KDM4B: variants seen among roughly 807,000 people sequenced by gnomAD.
The protein encoded by KDM4B is lysine demethylase 4B.
Under a neutral mutation model 125.2 loss-of-function variants are expected in KDM4B, and 32 were observed. The observed-to-expected ratio is 0.26, with a 90% confidence interval of 0.19 to 0.34. The LOEUF (loss-of-function observed/expected upper bound fraction) is 0.34. KDM4B is among the 10% of genes least tolerant of loss of function. The pLI is 1.00. For missense variants in KDM4B, 1,190 were observed against 1,577.7 expected (o/e 0.75, Z 4.16); for synonymous variants, 721 against 677.9 (o/e 1.06, Z -0.99).
At chr19:5,136,488 C>G (rs1486906687) in intron 15 of KDM4B, among the ~76,000 whole-genome samples, 2 of 152,130 alleles carry the variant, frequency 1.3e-5, no homozygotes, top group African/African-American at 4.8e-5. Flanking sequence ...CGCGTTGTCT[C>G]CTGGCTGGGA....
chr19:5,058,189 C>T (rs863948), intron 6 of KDM4B, among the ~76,000 whole-genome samples: 44 of 151,890 alleles, frequency 2.9e-4, no homozygotes, highest in African/African-American at 1.0e-3. Flanking sequence ...TGCAGGGGCT[C>T]AGCCAACAGG....
intron 13 of KDM4B, 140 bp downstream of exon 13, chr19:5,132,147 T>C: frequency 9.0e-7 from 1 of 1,109,876 alleles, no homozygotes. Flanking sequence ...TTTCTGTGGC[T>C]CTGCCGTAGC....
At chr19:5,138,155 C>T (rs771420947) in intron 18 of KDM4B, 85 bp downstream of exon 18, 340 of 1,037,258 alleles carry the variant, frequency 3.3e-4, no homozygotes, top group Non-Finnish European at 4.6e-4. Context: ...CGATCTGAAG[C>T]GGTCTTTCCT....
At position 5,114,673 on chromosome 19, in the gene KDM4B, C is replaced by T. The variant is rs115858173; in HGVS notation, c.1115+3855C>T. Among the ~76,000 whole-genome samples the T allele has an allele frequency of 6.0e-5, 9 of 150,130 alleles. No individual in the cohort carries two copies. Among genetic ancestry groups the T allele is most frequent in the Non-Finnish European group, 1.2e-4 (8 of 67,546 alleles). ...TGGGGAGCACTGGGCCACTTTGGGT[C>T]GGGGGTGGGCGGCTCTGAGGGCTCA... On this transcript the variant is annotated intron_variant, in intron 10 of 22. Coordinates refer to ENST00000159111, the MANE Select transcript of KDM4B (RefSeq NM_015015.3). The surrounding 1 kb of genome is among the most constrained non-coding windows in gnomAD (Gnocchi z 5.8).
In KDM4B at chr19:5,115,120, CAGG is replaced by C. The variant is rs1315853444; in HGVS notation, c.1115+4307_1115+4309del. 6.6e-6 allele frequency among the ~76,000 whole-genome samples: 1 copy of C among 152,166 alleles called. No homozygotes were observed. Among genetic ancestry groups the C allele is most frequent in the African/African-American group, 2.4e-5 (1 of 41,444 alleles). On this transcript the variant is annotated intron_variant, in intron 10 of 22. Coordinates refer to ENST00000159111, the MANE Select transcript of KDM4B (RefSeq NM_015015.3). This position sits in a 1 kb window ranked among gnomAD's most constrained non-coding sequence, Gnocchi z 4.2. ...GCAGGAGACCCCATGGGCCGGCAACCAGGAGGACAGCCAGCAGGGAGCAGCTGG... is the reference window on the plus strand; with the variant it reads ...GCAGGAGACCCCATGGGCCGGCAACCAGGACAGCCAGCAGGGAGCAGCTGG...
rs920388813 is a variant in KDM4B, at chr19:5,141,163, C to T, written c.2551-2804C>T. ...CTTGGAGCCCACAGGTGCTGGGCCA[C>T]CTGGGCAGGGCTGTGCAGGCAGTCA... On this transcript the variant is annotated intron_variant, in intron 18 of 22. Coordinates refer to ENST00000159111, the MANE Select transcript of KDM4B (RefSeq NM_015015.3). This position sits in a 1 kb window ranked among gnomAD's most constrained non-coding sequence, Gnocchi z 6.4. 6.6e-6 allele frequency: 1 copy of T among 152,240 alleles called. No homozygotes were observed. The highest frequency in any genetic ancestry group is 6.5e-5 in the Admixed American group (1 of 15,270). The allele number at this position is 152,240 out of a possible 1,614,324, so 9.4% of individuals were successfully genotyped here. A position where few individuals can be genotyped will look rare whatever the true frequency, so the allele number is the denominator to read the frequency against.
chr19:5,077,271 A>G (rs993753456), intron 7 of KDM4B, 96 bp from the exon 8 acceptor site: 7 of 1,026,044 alleles, frequency 6.8e-6, no homozygotes, highest in Non-Finnish European at 1.0e-5. Context: ...CCCGCTCTCC[A>G]TGGGAGGAAA....
chr19:5,144,104 C>T lies in KDM4B; in HGVS notation c.2688C>T (p.Pro896=). ...TGCTCATGGAGCCGGACGACTGGCCCTATGTGGTCTCCATCACCTGCCTCA... is the reference window on the plus strand; with the variant it reads ...TGCTCATGGAGCCGGACGACTGGCCTTATGTGGTCTCCATCACCTGCCTCA... ...AGVLMEPDDW[P]YVVSITCLKH... Residue 896 remains proline, a synonymous_variant, in exon 19 of 23, where the codon CCC becomes CCT. Transcript: ENST00000159111. 1 of 1,603,552 alleles carries T rather than the reference C, an allele frequency of 6.2e-7. No individual in the cohort carries two copies. Among genetic ancestry groups the T allele is most frequent in the South Asian group, 1.1e-5 (1 of 90,916 alleles).
intron 2 of KDM4B, among the ~76,000 whole-genome samples, chr19:5,024,202 A>G (rs1323758386): frequency 6.6e-6 from 1 of 152,022 alleles, no homozygotes; most frequent in Admixed American, 6.5e-5. Context: ...CTCTGGGGTC[A>G]AGGAGAGTCC....
At chr19:5,111,324 T>A in intron 10 of KDM4B, 1 of 738,188 alleles carries the variant, frequency 1.4e-6, no homozygotes, top group Non-Finnish European at 2.5e-6. Flanking sequence ...TGGAGAGGAT[T>A]TCAGAAGGCC....
intron 11 of KDM4B, among the ~76,000 whole-genome samples, chr19:5,130,481 C>T (rs1039419526): frequency 3.3e-5 from 5 of 152,196 alleles, no homozygotes; most frequent in Admixed American, 1.3e-4. Flanking sequence ...GGAAGGGTGT[C>T]GGGCCCCACA....
At chr19:5,005,910 C>T (rs953493764) in intron 1 of KDM4B, among the ~76,000 whole-genome samples, 6 of 152,166 alleles carry the variant, frequency 3.9e-5, no homozygotes, top group African/African-American at 1.4e-4. Context: ...CCGCGTCCTC[C>T]TCTGGCGGAG....
chr19:5,126,756 G>T (rs568799188), intron 11 of KDM4B, among the ~76,000 whole-genome samples: 1 of 152,368 alleles, frequency 6.6e-6, no homozygotes, highest in South Asian at 2.1e-4. Context: ...GCACCCGGCT[G>T]CGGGTTCAGC....
chr19:5,108,715 G>A (rs1446233950), intron 9 of KDM4B, among the ~76,000 whole-genome samples: 2 of 152,244 alleles, frequency 1.3e-5, no homozygotes, highest in African/African-American at 4.8e-5. Flanking sequence ...AAATGGAAGA[G>A]TGTCTCACGA....
rs2035238173 is a variant in KDM4B at position 4,997,454 on chromosome 19, T to G, written c.-108-18803T>G. On this transcript the variant is annotated intron_variant, in intron 1 of 22. Coordinates refer to ENST00000159111, the MANE Select transcript of KDM4B (RefSeq NM_015015.3). This position sits in a 1 kb window ranked among gnomAD's most constrained non-coding sequence, Gnocchi z 4.2. ...CGGCGAGGTGGGCTGGGCTTTGTGT[T>G]TCCAACATGTCCACCCCAGCCGGCT... 6.6e-6 allele frequency among the ~76,000 whole-genome samples: 1 copy of G among 151,948 alleles called. No homozygotes were observed. Among genetic ancestry groups the G allele is most frequent in the African/African-American group, 2.4e-5 (1 of 41,368 alleles).
chr19:5,006,587 A>G (rs12610654), intron 1 of KDM4B, among the ~76,000 whole-genome samples: 53,742 of 151,926 alleles, frequency 0.35, 9,909 homozygotes, highest in East Asian at 0.69. Flanking sequence ...AGCCTGGCAA[A>G]CATGGTGAAA....
intron 1 of KDM4B, among the ~76,000 whole-genome samples, chr19:4,999,648 T>G (rs745439472): frequency 6.6e-6 from 1 of 152,150 alleles, no homozygotes; most frequent in East Asian, 1.9e-4. Context: ...ACCTGACATT[T>G]GTATCCATCT....
At chr19:5,151,247 C>G (rs542785900) in intron 22 of KDM4B, 88 bp from the exon 23 acceptor site, 4 of 1,172,556 alleles carry the variant, frequency 3.4e-6, no homozygotes, top group African/African-American at 1.6e-5. Flanking sequence ...CTGTGTCCAG[C>G]CAGCTCCTCT....
At chr19:5,059,396 G>A (rs2037512265) in intron 6 of KDM4B, among the ~76,000 whole-genome samples, 3 of 152,298 alleles carry the variant, frequency 2.0e-5, no homozygotes, top group East Asian at 1.9e-4. Flanking sequence ...GCAGCCTCCC[G>A]CCGAGGGCTC....
Sources: gnomAD v4.1 joint callset for allele counts (sites outside exome capture counted in the v4.1 genomes callset) on GRCh38, gnomAD v4.1.1 for gene constraint, Gnocchi (gnomAD v3.1) non-coding constraint, MANE v1.5 for transcripts, NCBI Gene and HGNC (gene_info 2026-07-23, HGNC 2026-07-21) for gene names.